The following AKR1E2 variants were observed in gnomAD, a reference collection of about 807,000 sequenced individuals.
The protein encoded by AKR1E2 is aldo-keto reductase family 1 member E2.
A neutral mutation model predicts 41.9 loss-of-function variants in AKR1E2; 43 were observed. The observed-to-expected ratio is 1.03, with a 90% confidence interval of 0.80 to 1.32. The LOEUF is 1.32. AKR1E2 is among the 40% of genes most tolerant of loss of function. The pLI is 0.00. For missense variants in AKR1E2, 423 were observed against 396.5 expected (o/e 1.07, Z -0.57); for synonymous variants, 121 against 138.9 (o/e 0.87, Z 0.91).
the AKR1E2 span, among the ~76,000 whole-genome samples, chr10:4,859,249 T>C: frequency 6.6e-6 from 1 of 152,224 alleles, no homozygotes; most frequent in Non-Finnish European, 1.5e-5. Flanking sequence ...AGGATACAAA[T>C]ATGAATGAAG....
At chr10:4,845,198 C>T (rs573430821) in intron 8 of AKR1E2, among the ~76,000 whole-genome samples, 3 of 152,308 alleles carry the variant, frequency 2.0e-5, no homozygotes, top group South Asian at 4.1e-4. Context: ...CAGGGCTTGC[C>T]AGCCGCTCCG....
At chr10:4,837,869 G>A (rs924055962) in intron 5 of AKR1E2, among the ~76,000 whole-genome samples, 1 of 152,198 alleles carries the variant, frequency 6.6e-6, no homozygotes, top group Non-Finnish European at 1.5e-5. Flanking sequence ...TCAGGGTCCT[G>A]GCAGGTGCCT....
At chr10:4,856,890 G>A in the AKR1E2 span, among the ~76,000 whole-genome samples, 12 of 151,074 alleles carry the variant, frequency 7.9e-5, no homozygotes, top group East Asian at 9.7e-4. Context: ...TCTACTGTTC[G>A]GTGGTATTAA....
At chr10:4,860,337 C>A in the AKR1E2 span, among the ~76,000 whole-genome samples, 3 of 152,314 alleles carry the variant, frequency 2.0e-5, no homozygotes, top group Middle Eastern at 3.4e-3. Flanking sequence ...CCATTGCAAT[C>A]TTCTGACAAA....
chr10:4,848,269 G>T (rs1456948001), downstream of AKR1E2, among the ~76,000 whole-genome samples: 10 of 152,116 alleles, frequency 6.6e-5, no homozygotes, highest in African/African-American at 1.9e-4. Flanking sequence ...ATTATACCTG[G>T]GGAACCCCCA....
At chr10:4,835,906 T>C in intron 4 of AKR1E2, 97 bp downstream of exon 4, 1 of 1,495,968 alleles carries the variant, frequency 6.7e-7, no homozygotes, top group Non-Finnish European at 9.0e-7. Context: ...GACATCAAGG[T>C]TGTCTACCTG....
At position 4,841,847 on chromosome 10, in the gene AKR1E2, C is replaced by A. The variant is rs142685834; in HGVS notation, c.743C>A (p.Ser248Tyr). ...IKRIAKEHGK[S>Y]PAQILIRFQI... ...AGGATTGCAAAGGAGCACGGCAAGT[C>A]TCCTGCTCAGGTAGGGAGGGAGGGC... Residue 248 changes from serine to tyrosine, a missense_variant, in exon 7 of 10, where the codon TCT (serine) becomes TAT (tyrosine). Transcript: ENST00000298375. The A allele has an allele frequency of 6.6e-5, 106 of 1,613,622 alleles. No individual in the cohort carries two copies. The African/African-American group carries it at 1.4e-3, about 21-fold the overall frequency.
chr10:4,854,741 G>C, the AKR1E2 span, among the ~76,000 whole-genome samples: 1 of 152,122 alleles, frequency 6.6e-6, no homozygotes, highest in Non-Finnish European at 1.5e-5. Context: ...TTTGGTAGCA[G>C]GCCTAACTTA....
chr10:4,833,221 C>T (rs1251430925), intron 2 of AKR1E2, 129 bp from the exon 3 acceptor site: 22 of 728,354 alleles, frequency 3.0e-5, no homozygotes, highest in Middle Eastern at 7.2e-4. Context: ...CAGAACTTGC[C>T]GTGTTGTATT....
At chr10:4,826,690 A>G (rs1445485018) in intron 1 of AKR1E2, among the ~76,000 whole-genome samples, 7 of 152,294 alleles carry the variant, frequency 4.6e-5, no homozygotes, top group South Asian at 2.1e-4. Flanking sequence ...GAAGTTACTC[A>G]GAACTGGAGC....
the AKR1E2 span, among the ~76,000 whole-genome samples, chr10:4,853,944 C>G: frequency 1.3e-5 from 2 of 152,160 alleles, no homozygotes; most frequent in African/African-American, 4.8e-5. Flanking sequence ...CAGGGAGCTA[C>G]CCTATAGGGT....
At chr10:4,845,974 G>C (rs987690294) in intron 8 of AKR1E2, 2 of 426,158 alleles carry the variant, frequency 4.7e-6, no homozygotes, top group South Asian at 1.7e-5. Flanking sequence ...CCAGGGAGGA[G>C]AAAGGCATCC....
the AKR1E2 span, among the ~76,000 whole-genome samples, chr10:4,853,920 C>T: frequency 3.9e-5 from 6 of 152,232 alleles, no homozygotes; most frequent in Admixed American, 6.5e-5. Context: ...CTCCCACCAG[C>T]GCCATGGCAA....
intron 6 of AKR1E2, among the ~76,000 whole-genome samples, chr10:4,841,184 C>T (rs773071289): frequency 4.7e-4 from 71 of 151,978 alleles, no homozygotes; most frequent in Admixed American, 1.0e-3. Context: ...CAGGAGACCT[C>T]GAGGACGATA....
intron 1 of AKR1E2, among the ~76,000 whole-genome samples, chr10:4,826,857 C>G (rs1245652422): frequency 2.6e-5 from 4 of 152,010 alleles, no homozygotes; most frequent in Non-Finnish European, 4.4e-5. Context: ...AGTAGGATCG[C>G]CTGAGCTCAG....
intron 2 of AKR1E2, 98 bp from the exon 3 acceptor site, chr10:4,833,252 T>C: frequency 1.1e-6 from 1 of 890,592 alleles, no homozygotes; most frequent in Non-Finnish European, 1.9e-6. Context: ...TCATCTTGGC[T>C]ATTTTGGGTT....
chr10:4,845,087 G>A (rs1014153635), intron 8 of AKR1E2, among the ~76,000 whole-genome samples: 2 of 152,200 alleles, frequency 1.3e-5, no homozygotes, highest in Non-Finnish European at 1.5e-5. Context: ...GGCCTGGCGA[G>A]AAATGGAGCG....
At chr10:4,847,460 A>T in intron 9 of AKR1E2, 28 bp from the exon 10 acceptor site, 1 of 1,608,320 alleles carries the variant, frequency 6.2e-7, no homozygotes, top group Non-Finnish European at 8.5e-7. Flanking sequence ...CTTTGTTCCT[A>T]TTTTTGATTT....
At chr10:4,867,846 C>G in the AKR1E2 span, among the ~76,000 whole-genome samples, 1 of 152,146 alleles carries the variant, frequency 6.6e-6, no homozygotes, top group Non-Finnish European at 1.5e-5. Context: ...CGAGAGGCAG[C>G]GTCCTCAGGG....
Sources: gnomAD v4.1 joint callset for allele counts (sites outside exome capture counted in the v4.1 genomes callset) on GRCh38, gnomAD v4.1.1 for gene constraint, MANE v1.5 for transcripts, NCBI Gene and HGNC (gene_info 2026-07-23, HGNC 2026-07-21) for gene names.